The following SPOCK1 variants were observed in gnomAD, a reference collection of about 807,000 sequenced individuals.
The protein encoded by SPOCK1 is SPARC (osteonectin), cwcv and kazal like domains proteoglycan 1, also known as testican-1.
In SPOCK1, 23 loss-of-function variants were observed where a neutral mutation model predicts 55.3. The ratio of observed to expected loss-of-function variants is 0.42; its 90% CI spans 0.30 to 0.59. The LOEUF (loss-of-function observed/expected upper bound fraction) is 0.59, where lower values mean the gene tolerates loss of function less well. Ranked by LOEUF, SPOCK1 falls within the 20% of genes least tolerant of loss-of-function variation. The pLI, the probability that SPOCK1 is intolerant of heterozygous loss-of-function variation, is 0.22. For synonymous variants in SPOCK1, 226 were observed against 221.0 expected, an observed-to-expected ratio of 1.02 and a Z score of -0.20; for missense variants, 499 against 552.5, an observed-to-expected ratio of 0.90 and a Z score of 0.97.
intron 2 of SPOCK1, among the ~76,000 whole-genome samples, chr5:137,351,582 C>T (rs1215120918): frequency 6.6e-6 from 1 of 152,158 alleles, no homozygotes; most frequent in Non-Finnish European, 1.5e-5. Context: ...CCAGGCCCTC[C>T]CAGTTCTGTT....
chr5:137,352,484 A>AT (rs1750704009), intron 2 of SPOCK1, among the ~76,000 whole-genome samples: 3 of 152,184 alleles, frequency 2.0e-5, no homozygotes, highest in Non-Finnish European at 2.9e-5. Context: ...TATCTTTTTC[A>AT]CCAAGTTGTT....
chr5:137,007,979 G>A (rs996888085), intron 6 of SPOCK1, among the ~76,000 whole-genome samples: 32 of 151,964 alleles, frequency 2.1e-4, no homozygotes, highest in African/African-American at 6.3e-4. Context: ...ATGAGTTCAC[G>A]TCCTTTGCAG....
chr5:137,465,075 A>G (rs1270036509), intron 2 of SPOCK1, among the ~76,000 whole-genome samples: 1 of 152,200 alleles, frequency 6.6e-6, no homozygotes, highest in African/African-American at 2.4e-5. Context: ...GTGCCAGATA[A>G]CACCAGAGTC....
At chr5:137,132,174 C>CAAAAAAAAAAA (rs762937224) in intron 4 of SPOCK1, among the ~76,000 whole-genome samples, 1 of 59,210 alleles carries the variant, frequency 1.7e-5, no homozygotes, top group Non-Finnish European at 3.1e-5. Context: ...GACTCTGTCT[C>CAAAAAAAAAAA]AAAAAAAAAA....
chr5:137,498,880 A>G (rs1272737445), intron 1 of SPOCK1, among the ~76,000 whole-genome samples: 1 of 147,476 alleles, frequency 6.8e-6, no homozygotes, highest in African/African-American at 2.5e-5. Context: ...AGAAGCGGGG[A>G]GCCCGGGTCC....
chr5:137,325,018 C>A (rs1432733833), intron 2 of SPOCK1, among the ~76,000 whole-genome samples: 1 of 150,590 alleles, frequency 6.6e-6, no homozygotes, highest in Non-Finnish European at 1.5e-5. Flanking sequence ...TGTCAATACA[C>A]CTGCAGATCT....
At chr5:137,290,964 G>C (rs1757359466) in intron 2 of SPOCK1, among the ~76,000 whole-genome samples, 1 of 152,168 alleles carries the variant, frequency 6.6e-6, no homozygotes, top group Non-Finnish European at 1.5e-5. Context: ...CATCTCAATT[G>C]ATGTAATCCT....
chr5:137,498,133 C>T (rs1041637916), intron 2 of SPOCK1, among the ~76,000 whole-genome samples: 1 of 152,146 alleles, frequency 6.6e-6, no homozygotes, highest in African/African-American at 2.4e-5. Context: ...AATACACACA[C>T]CTGGGCCACA....
At chr5:137,394,541 G>A (rs887200638) in intron 2 of SPOCK1, among the ~76,000 whole-genome samples, 1 of 152,164 alleles carries the variant, frequency 6.6e-6, no homozygotes, top group African/African-American at 2.4e-5. Flanking sequence ...GCCTTCATCA[G>A]CATTAGTGCT....
intron 2 of SPOCK1, among the ~76,000 whole-genome samples, chr5:137,438,042 T>C (rs1431823655): frequency 1.3e-5 from 2 of 152,188 alleles, no homozygotes; most frequent in African/African-American, 4.8e-5. Flanking sequence ...CTCATTTCAC[T>C]TAGCATAATG....
intron 3 of SPOCK1, among the ~76,000 whole-genome samples, chr5:137,216,576 T>C (rs1755720094): frequency 6.6e-6 from 1 of 151,968 alleles, no homozygotes; most frequent in Admixed American, 6.6e-5. Flanking sequence ...CCAGGTGTGG[T>C]GGTGCATGCC....
At chr5:137,371,740 A>T (rs988016357) in intron 2 of SPOCK1, among the ~76,000 whole-genome samples, 1 of 152,216 alleles carries the variant, frequency 6.6e-6, no homozygotes, top group Non-Finnish European at 1.5e-5. Flanking sequence ...GGATGATAAG[A>T]TGATGATGAC....
In SPOCK1 at chr5:137,499,216, C is replaced by T. The variant is rs1341172259; in HGVS notation, c.-38G>A. The T allele has an allele frequency of 7.5e-6, 1 of 133,158 alleles. No individual in the cohort carries two copies. Among genetic ancestry groups the T allele is most frequent in the Non-Finnish European group, 1.7e-5 (1 of 60,078 alleles). The allele number at this position is 133,158 out of a possible 1,614,324, so 8.2% of individuals were successfully genotyped here. A position where few individuals can be genotyped will look rare whatever the true frequency, so the allele number is the denominator to read the frequency against. Reference sequence around the variant, plus strand: ...CCCGGGTCCCCTAGTCCGAGTTGCTCGAGCTCCCGCGGCACGGTCGCCGGG... The same window carrying T: ...CCCGGGTCCCCTAGTCCGAGTTGCTTGAGCTCCCGCGGCACGGTCGCCGGG... On this transcript the variant is annotated 5_prime_UTR_variant, in exon 1 of 11. Transcript: ENST00000394945.
In SPOCK1 at chr5:136,992,588, T is replaced by A. The variant is rs771718154; in HGVS notation, c.602A>T (p.Lys201Met). The A allele has an allele frequency of 5.0e-6, 8 of 1,613,650 alleles. No individual in the cohort carries two copies. Among genetic ancestry groups the A allele is most frequent in the Non-Finnish European group, 5.9e-6 (7 of 1,179,732 alleles). Residue 201 changes from lysine to methionine, a missense_variant, in exon 7 of 11, where the codon AAG (lysine) becomes ATG (methionine). Physicochemically the swap from Lys to Met is moderately conservative, Grantham distance 95 (BLOSUM62 -1). Transcript: ENST00000394945. The part of the protein sequence containing the change: ...HKAERSACTD[K>M]ELRNLASRLK... ...CCGGGAGGCAAGGTTCCGCAACTCC[T>A]TGTCTGTGCAGGCTAGAGAAAAGCA...
intron 3 of SPOCK1, among the ~76,000 whole-genome samples, chr5:137,211,050 G>A (rs936301776): frequency 5.3e-5 from 8 of 152,184 alleles, no homozygotes; most frequent in African/African-American, 1.9e-4. Flanking sequence ...TCAGCCCTTC[G>A]TATACCTGAT....
At chr5:137,489,429 A>G (rs1754128126) in intron 2 of SPOCK1, among the ~76,000 whole-genome samples, 2 of 152,222 alleles carry the variant, frequency 1.3e-5, no homozygotes, top group South Asian at 4.1e-4. Flanking sequence ...AGCAGTAGGA[A>G]CTGTAGGAGC....
chr5:137,191,823 T>C (rs1399725428), intron 3 of SPOCK1, among the ~76,000 whole-genome samples: 1 of 152,174 alleles, frequency 6.6e-6, no homozygotes, highest in Non-Finnish European at 1.5e-5. Flanking sequence ...ACTAAGGTGC[T>C]CAGCTCCAGA....
intron 5 of SPOCK1, among the ~76,000 whole-genome samples, chr5:137,086,799 A>C (rs2127016948): frequency 6.6e-6 from 1 of 152,324 alleles, no homozygotes; most frequent in East Asian, 1.9e-4. Context: ...AATAATAGGG[A>C]AAAGAAACAC....
intron 2 of SPOCK1, chr5:137,313,343 C>T (rs1198941671): frequency 6.6e-6 from 6 of 906,588 alleles, no homozygotes; most frequent in Non-Finnish European, 6.6e-6. Context: ...GGTATGGGCA[C>T]ACAGAAGAGC....
Sources: allele counts gnomAD v4.1 joint callset (sites outside exome capture counted in the v4.1 genomes callset), GRCh38; gene constraint gnomAD v4.1.1; transcripts MANE v1.5; gene names NCBI Gene and HGNC (gene_info 2026-07-23, HGNC 2026-07-21).